The following UBAC2 variants were observed in gnomAD, a reference collection of about 807,000 sequenced individuals.
UBAC2 encodes the protein UBA domain containing 2, also known as ubiquitin-associated domain-containing protein 2.
UBAC2 carries 26 observed loss-of-function variants against 44.0 expected under a neutral mutation model. That is an observed-to-expected ratio of 0.59 (90% CI 0.43 to 0.82). The LOEUF (loss-of-function observed/expected upper bound fraction) is 0.82. Ranked by LOEUF, UBAC2 falls within the 40% of genes least tolerant of loss-of-function variation. The pLI is 0.00. For synonymous variants in UBAC2, 155 were observed against 154.3 expected, an observed-to-expected ratio of 1.00 and a Z score of -0.04; for missense variants, 329 against 419.4, an observed-to-expected ratio of 0.78 and a Z score of 1.88.
At chr13:99,287,385 C>G (rs1435801392) in intron 4 of UBAC2, among the ~76,000 whole-genome samples, 1 of 152,004 alleles carries the variant, frequency 6.6e-6, no homozygotes. Context: ...TGTATCAGGC[C>G]TGTGGGTCTG....
chr13:99,317,880 ATTT>A (rs2044513827), intron 5 of UBAC2, 139 bp from the exon 6 acceptor site: 1 of 569,334 alleles, frequency 1.8e-6, no homozygotes, highest in Admixed American at 3.9e-5. Context: ...ATATTTACTA[ATTT>A]TCCATTTGCT....
At chr13:99,282,044 T>C (rs2043960787) in intron 4 of UBAC2, among the ~76,000 whole-genome samples, 1 of 152,220 alleles carries the variant, frequency 6.6e-6, no homozygotes, top group African/African-American at 2.4e-5. Context: ...TTCCTCACCC[T>C]CAGCACTTTT....
At chr13:99,214,693 A>G (rs1313074981) in intron 1 of UBAC2, among the ~76,000 whole-genome samples, 1 of 151,622 alleles carries the variant, frequency 6.6e-6, no homozygotes, top group African/African-American at 2.4e-5. Context: ...TTTTTTGCAG[A>G]CCTCCAACCC....
chr13:99,284,198 TAAG>T (rs2043989723), intron 4 of UBAC2, among the ~76,000 whole-genome samples: 1 of 152,192 alleles, frequency 6.6e-6, no homozygotes, highest in Non-Finnish European at 1.5e-5. Context: ...GCTGCTAAAA[TAAG>T]AAGTACAAAT....
At chr13:99,307,124 G>T (rs2044347871) in intron 4 of UBAC2, among the ~76,000 whole-genome samples, 1 of 152,088 alleles carries the variant, frequency 6.6e-6, no homozygotes, top group Non-Finnish European at 1.5e-5. Context: ...GATATTTCTG[G>T]TGGACCCATC....
intron 8 of UBAC2, among the ~76,000 whole-genome samples, chr13:99,383,841 G>T (rs570137864): frequency 6.6e-6 from 1 of 152,240 alleles, no homozygotes; most frequent in African/African-American, 2.4e-5. Context: ...GCTTTTGGGG[G>T]AGGAGGGTCT....
intron 6 of UBAC2, among the ~76,000 whole-genome samples, chr13:99,322,163 G>A (rs941764453): frequency 2.6e-5 from 4 of 152,178 alleles, no homozygotes; most frequent in African/African-American, 9.7e-5. Flanking sequence ...CGTATCAACT[G>A]TTCTTCTAGA....
At chr13:99,308,764 T>C (rs1204254693) in intron 4 of UBAC2, 3 of 152,188 alleles carry the variant, frequency 2.0e-5, no homozygotes, top group Non-Finnish European at 4.4e-5. Context: ...ATCAAGCAAG[T>C]CAGCTGAATT....
At chr13:99,241,726 CTTT>C (rs34012077) in intron 2 of UBAC2, among the ~76,000 whole-genome samples, 5 of 140,560 alleles carry the variant, frequency 3.6e-5, no homozygotes, top group African/African-American at 1.1e-4. Context: ...AAAATTTTAA[CTTT>C]TTTTTTTTTT....
At chr13:99,216,170 C>G (rs982220462) in intron 1 of UBAC2, among the ~76,000 whole-genome samples, 1 of 151,816 alleles carries the variant, frequency 6.6e-6, no homozygotes. Context: ...GGTGCAATCT[C>G]GGCTCACTGC....
intron 1 of UBAC2, among the ~76,000 whole-genome samples, chr13:99,211,484 C>T (rs966556020): frequency 9.9e-5 from 15 of 152,184 alleles, no homozygotes; most frequent in Admixed American, 3.3e-4. Flanking sequence ...TTTCAATCAA[C>T]GACTAATAAG....
intron 7 of UBAC2, among the ~76,000 whole-genome samples, chr13:99,342,071 C>T (rs2044898699): frequency 6.6e-6 from 1 of 152,160 alleles, no homozygotes; most frequent in African/African-American, 2.4e-5. Context: ...ATTGGCCTCC[C>T]CAGGAAGATT....
chr13:99,323,999 C>G (rs1367033783), intron 6 of UBAC2, among the ~76,000 whole-genome samples: 1 of 152,094 alleles, frequency 6.6e-6, no homozygotes, highest in Non-Finnish European at 1.5e-5. Flanking sequence ...AGGCAAAAAT[C>G]TAGCCTCCTT....
chr13:99,253,521 C>T (rs1566469340), intron 4 of UBAC2, among the ~76,000 whole-genome samples: 1 of 148,488 alleles, frequency 6.7e-6, no homozygotes, highest in African/African-American at 2.5e-5. Flanking sequence ...AAATTAATTT[C>T]TTTTTTTTTT....
intron 1 of UBAC2, among the ~76,000 whole-genome samples, chr13:99,203,148 C>T (rs186139360): frequency 2.7e-3 from 407 of 152,060 alleles, no homozygotes; most frequent in Non-Finnish European, 4.2e-3. Context: ...GCGATTCTCC[C>T]GCCTCAGCCT....
rs1009519776 is a variant in UBAC2, at chr13:99,213,659, C to T, written c.31+12720C>T. Among the ~76,000 whole-genome samples the T allele has an allele frequency of 5.3e-5, 8 of 152,074 alleles. No homozygotes were observed. The South Asian group carries it at 8.3e-4, about 16-fold the overall frequency. ...ACAGGCATTAGTCACTGCACCCGGT[C>T]GATTATAACATTTTATCGTACTAAA... is the stretch of plus-strand genomic sequence containing the variant. On this transcript the variant is annotated intron_variant, in intron 1 of 8. Coordinates refer to ENST00000403766, the MANE Select transcript of UBAC2 (RefSeq NM_001144072.2).
intron 4 of UBAC2, among the ~76,000 whole-genome samples, chr13:99,275,986 A>T (rs965089182): frequency 6.6e-6 from 1 of 152,110 alleles, no homozygotes; most frequent in Admixed American, 6.5e-5. Flanking sequence ...TAAGCCTGGG[A>T]GTCTTAACAT....
intron 7 of UBAC2, 102 bp downstream of exon 7, chr13:99,340,667 G>T: frequency 7.7e-7 from 1 of 1,303,810 alleles, no homozygotes; most frequent in Non-Finnish European, 1.0e-6. Context: ...TTTTATTCCA[G>T]TGCCTTGCAA....
chr13:99,293,271 CTT>C (rs1414833545), intron 4 of UBAC2, among the ~76,000 whole-genome samples: 1 of 152,092 alleles, frequency 6.6e-6, no homozygotes, highest in Non-Finnish European at 1.5e-5. Context: ...TATTTACTCT[CTT>C]GTTTGTAGGA....
Sources: gnomAD v4.1 joint callset for allele counts (sites outside exome capture counted in the v4.1 genomes callset) on GRCh38, gnomAD v4.1.1 for gene constraint, MANE v1.5 for transcripts, NCBI Gene and HGNC (gene_info 2026-07-23, HGNC 2026-07-21) for gene names.